SETBP1: variants seen among roughly 807,000 people sequenced by gnomAD.
SETBP1 encodes SET binding protein 1.
SETBP1 carries 9 observed loss-of-function variants against 101.0 expected under a neutral mutation model. The observed-to-expected ratio is 0.09, with a 90% CI of 0.05 to 0.16. The LOEUF (loss-of-function observed/expected upper bound fraction) is 0.16. SETBP1 is among the 10% of genes least tolerant of loss of function. The pLI is 1.00. For missense variants in SETBP1, 1,858 were observed against 2,033.8 expected (o/e 0.91, Z 1.66); for synonymous variants, 818 against 788.5 (o/e 1.04, Z -0.63).
intron 1 of SETBP1, among the ~76,000 whole-genome samples, chr18:44,694,293 C>T (rs990297546): frequency 6.6e-6 from 1 of 152,164 alleles, no homozygotes; most frequent in Admixed American, 6.5e-5. Flanking sequence ...CTCTCTGCAA[C>T]CTGAGCCTCC....
intron 2 of SETBP1, among the ~76,000 whole-genome samples, chr18:44,819,741 G>A (rs2072065418): frequency 6.6e-6 from 1 of 152,094 alleles, no homozygotes; most frequent in Non-Finnish European, 1.5e-5. Flanking sequence ...GGTCTGCTTT[G>A]GCTTACATGA....
chr18:44,791,747 G>A (rs2071376879), intron 2 of SETBP1, among the ~76,000 whole-genome samples: 1 of 152,202 alleles, frequency 6.6e-6, no homozygotes, highest in African/African-American at 2.4e-5. Flanking sequence ...GAGAGCGAGA[G>A]AGAGCAAGAG....
At chr18:45,039,933 C>G (rs1477883998) in intron 5 of SETBP1, among the ~76,000 whole-genome samples, 1 of 152,160 alleles carries the variant, frequency 6.6e-6, no homozygotes, top group Non-Finnish European at 1.5e-5. Context: ...AGGATGTTTT[C>G]ATGGAAAAGT....
At chr18:45,061,422 A>G (rs776577010) in intron 5 of SETBP1, among the ~76,000 whole-genome samples, 3 of 152,170 alleles carry the variant, frequency 2.0e-5, no homozygotes, top group Non-Finnish European at 4.4e-5. Flanking sequence ...AAAACTAACT[A>G]CAAAAATTTT....
At chr18:44,976,715 G>A (rs1182844056) in intron 4 of SETBP1, among the ~76,000 whole-genome samples, 1 of 152,146 alleles carries the variant, frequency 6.6e-6, no homozygotes, top group Admixed American at 6.5e-5. Flanking sequence ...GGATGATATG[G>A]GTGAGTTATT....
At chr18:44,754,391 T>C (rs911877695) in intron 2 of SETBP1, among the ~76,000 whole-genome samples, 1 of 152,246 alleles carries the variant, frequency 6.6e-6, no homozygotes, top group Non-Finnish European at 1.5e-5. Flanking sequence ...TAATGCTAAG[T>C]TGATTTTGGA....
Position 44,951,196 on chromosome 18 carries a change from G to T in SETBP1, c.1856G>T (p.Gly619Val), listed in dbSNP as rs753567155. The change falls in exon 4 of 6, where the codon GGC becomes GTC. Residue 619 changes from glycine to valine, a missense_variant. Coordinates refer to ENST00000649279, the MANE Select transcript of SETBP1 (RefSeq NM_015559.3). The surrounding 1 kb of genome is among the most constrained non-coding windows in gnomAD (Gnocchi z 7.8). ...AGTCCCATCAGCCGAGAGTTTCCTG[G>T]CACTAAGAAAAGAAAGCGACGACGC... ...PVSPISREFP[G>V]TKKRKRRRNL... 6.2e-7 allele frequency: 1 copy of T among 1,614,146 alleles called. No individual in the cohort carries two copies. The highest frequency in any genetic ancestry group is 1.1e-5 in the South Asian group (1 of 91,078).
chr18:45,054,548 T>A (rs2073777282), intron 5 of SETBP1, among the ~76,000 whole-genome samples: 1 of 152,186 alleles, frequency 6.6e-6, no homozygotes, highest in Admixed American at 6.5e-5. Context: ...AAAACACTCC[T>A]CTGTTCATCC....
chr18:44,806,621 TCC>T (rs1428840108), intron 2 of SETBP1, among the ~76,000 whole-genome samples: 2 of 123,574 alleles, frequency 1.6e-5, no homozygotes, highest in Non-Finnish European at 3.4e-5. Flanking sequence ...CATAATGAGC[TCC>T]TTTTTTTTTT....
intron 2 of SETBP1, among the ~76,000 whole-genome samples, chr18:44,849,292 A>G (rs1282760356): frequency 6.6e-6 from 1 of 152,162 alleles, no homozygotes; most frequent in Admixed American, 6.5e-5. Context: ...CCTCTGTTCT[A>G]TTCCCAGATC....
chr18:44,908,305 C>A lies in SETBP1; in HGVS notation c.540+39022C>A, dbSNP rs577026401. On this transcript the variant is annotated intron_variant, in intron 3 of 5. Coordinates refer to ENST00000649279, the MANE Select transcript of SETBP1 (RefSeq NM_015559.3). ...TGAACTCCTCACGTCGCCACCTCGG[C>A]CTCCCAAAGTGCTGGGATTACAGGT... Among the ~76,000 whole-genome samples the A allele has an allele frequency of 6.6e-5, 10 of 152,206 alleles. 1 individual carries two copies. The highest frequency in any genetic ancestry group is 2.2e-4 in the African/African-American group (9 of 41,540).
intron 2 of SETBP1, among the ~76,000 whole-genome samples, chr18:44,733,573 G>A (rs2069887890): frequency 6.6e-6 from 1 of 152,196 alleles, no homozygotes; most frequent in Non-Finnish European, 1.5e-5. Flanking sequence ...ATGAGTCGCA[G>A]CTCCAGTATC....
chr18:45,063,506 GCCGCCACCACCCCTGCCC>G lies in SETBP1; in HGVS notation c.4608_4625del (p.Pro1540_Pro1545del). On this transcript the variant is annotated inframe_deletion, in exon 6 of 6. Coordinates refer to ENST00000649279, the MANE Select transcript of SETBP1 (RefSeq NM_015559.3). ...CACCGCCGCCGCCCCTGCCGCCACC[GCCGCCACCACCCCTGCCC>G]CCGCCACCCCCTCTACCCAAGACCC... is the stretch of plus-strand genomic sequence containing the variant. The G allele has an allele frequency of 1.1e-6, 1 of 924,152 alleles. No homozygotes were observed. The highest frequency in any genetic ancestry group is 2.8e-5 in the South Asian group (1 of 36,180). The allele number at this position is 924,152 out of a possible 1,614,324, so 57.2% of individuals were successfully genotyped here. A position where few individuals can be genotyped will look rare whatever the true frequency, so the allele number is the denominator to read the frequency against.
At position 45,064,795 on chromosome 18, in the gene SETBP1, G is replaced by A. The variant is rs1599514212; in HGVS notation, c.*1097G>A. 7.5e-6 allele frequency: 1 copy of A among 134,178 alleles called. No homozygotes were observed. The highest frequency in any genetic ancestry group is 2.9e-5 in the African/African-American group (1 of 35,032). The allele number at this position is 134,178 out of a possible 1,614,324, so 8.3% of individuals were successfully genotyped here. A position where few individuals can be genotyped will look rare whatever the true frequency, so the allele number is the denominator to read the frequency against. On this transcript the variant is annotated 3_prime_UTR_variant, in exon 6 of 6. Transcript: ENST00000649279. ...CCTGATCTTTTTCATTCAAATAATT[G>A]TCATAGGTTGTTCAAAAAAAAAAAA... is the stretch of plus-strand genomic sequence containing the variant.
intron 2 of SETBP1, among the ~76,000 whole-genome samples, chr18:44,815,116 C>T (rs1311475481): frequency 1.3e-5 from 2 of 152,200 alleles, no homozygotes; most frequent in South Asian, 4.1e-4. Flanking sequence ...TTGTATTCCT[C>T]TTCTCTCCTT....
chr18:44,842,208 T>C (rs750063807), intron 2 of SETBP1, among the ~76,000 whole-genome samples: 1 of 152,162 alleles, frequency 6.6e-6, no homozygotes, highest in Non-Finnish European at 1.5e-5. Flanking sequence ...ACTTGGATGG[T>C]GGGCATCAGG....
chr18:44,816,467 G>T (rs1004842795), intron 2 of SETBP1, among the ~76,000 whole-genome samples: 1 of 152,198 alleles, frequency 6.6e-6, no homozygotes. Flanking sequence ...GGGTTGGCCA[G>T]ACTATGGGAA....
chr18:44,694,809 A>G (rs1053205670), intron 1 of SETBP1, among the ~76,000 whole-genome samples: 2 of 152,202 alleles, frequency 1.3e-5, no homozygotes, highest in African/African-American at 4.8e-5. Context: ...AACACTTAAA[A>G]CAAGGTAAAA....
chr18:44,864,872 C>T (rs2069095671), intron 2 of SETBP1, among the ~76,000 whole-genome samples: 1 of 151,956 alleles, frequency 6.6e-6, no homozygotes, highest in Non-Finnish European at 1.5e-5. Flanking sequence ...CACAACAAGG[C>T]TACCATGAGC....
Sources: allele counts gnomAD v4.1 joint callset (sites outside exome capture counted in the v4.1 genomes callset), GRCh38; gene constraint gnomAD v4.1.1; non-coding constraint Gnocchi (gnomAD v3.1); transcripts MANE v1.5; gene names NCBI Gene and HGNC (gene_info 2026-07-23, HGNC 2026-07-21).